SCFD2: variants seen among roughly 807,000 people sequenced by gnomAD.
SCFD2 encodes sec1 family domain-containing protein 2.
In SCFD2, 54 loss-of-function variants were observed where a neutral mutation model predicts 58.9. The observed-to-expected ratio is 0.92, with a 90% CI of 0.74 to 1.15. The LOEUF is 1.15. Ranked by LOEUF, SCFD2 falls within the 50% of genes most tolerant of loss-of-function variation. The pLI, the probability that SCFD2 is intolerant of heterozygous loss-of-function variation, is 0.00. For missense variants in SCFD2, 805 were observed against 836.6 expected (o/e 0.96, Z 0.47); for synonymous variants, 321 against 335.9 (o/e 0.96, Z 0.49).
chr4:53,311,926 G>A (rs898964091), intron 3 of SCFD2, among the ~76,000 whole-genome samples: 1 of 152,024 alleles, frequency 6.6e-6, no homozygotes, highest in African/African-American at 2.4e-5. Flanking sequence ...GAGCCACTGC[G>A]TCCGGCCGAT....
chr4:53,292,623 C>T (rs13131136), intron 3 of SCFD2, among the ~76,000 whole-genome samples: 38,931 of 152,062 alleles, frequency 0.26, 5,471 homozygotes, highest in Non-Finnish European at 0.31. Flanking sequence ...TTAATTCAAC[C>T]ATTGTGGACG....
Position 53,352,745 on chromosome 4 carries a change from T to C in SCFD2, c.860A>G (p.Asp287Gly). The C allele has an allele frequency of 6.2e-7, 1 of 1,614,002 alleles. No individual in the cohort carries two copies. The highest frequency in any genetic ancestry group is 1.1e-5 in the South Asian group (1 of 91,064). Residue 287 changes from aspartate (D) to glycine (G), a missense_variant, in exon 2 of 9, where the codon GAC becomes GGC. By Grantham distance (94) the Asp-to-Gly change is moderately conservative. Coordinates refer to ENST00000401642, the MANE Select transcript of SCFD2 (RefSeq NM_152540.4). ...DLTGAVGHHGDNLVEKIISAL... is the reference protein window; with the variant it reads ...DLTGAVGHHGGNLVEKIISAL... ...TGAAATGATCTTCTCTACTAAGTTG[T>C]CTCCATGATGTCCAACTGCTCCTGT...
At chr4:53,219,170 A>T (rs1278891685) in intron 4 of SCFD2, among the ~76,000 whole-genome samples, 1 of 152,172 alleles carries the variant, frequency 6.6e-6, no homozygotes. Context: ...AAAGCTGTCA[A>T]ACAGGGACAT....
chr4:53,288,808 A>G (rs1224909953), intron 3 of SCFD2, among the ~76,000 whole-genome samples: 1 of 152,256 alleles, frequency 6.6e-6, no homozygotes, highest in African/African-American at 2.4e-5. Flanking sequence ...AACATATCAA[A>G]GTATAAAACT....
chr4:52,905,536 G>T, intron 7 of SCFD2, among the ~76,000 whole-genome samples: 1 of 152,144 alleles, frequency 6.6e-6, no homozygotes, highest in East Asian at 1.9e-4. Flanking sequence ...GCTGAGGAAT[G>T]GATCCTGACA....
At chr4:53,328,756 T>C (rs1733305411) in intron 2 of SCFD2, among the ~76,000 whole-genome samples, 2 of 152,164 alleles carry the variant, frequency 1.3e-5, no homozygotes, top group South Asian at 4.1e-4. Flanking sequence ...GATGGCCGAA[T>C]AGGAACAGCT....
rs1396532779 is a variant in SCFD2 at position 52,928,809 on chromosome 4, AG to A, written c.1562-7940del. On this transcript the variant is annotated intron_variant, in intron 5 of 8. Transcript: ENST00000401642. ...GACTCTGGACTCGCCTTGCATGCCT[AG>A]CACAGTGCTTAGCTCACAGAAGACA... Among the ~76,000 whole-genome samples, 7 of 152,308 alleles carry A rather than the reference AG, an allele frequency of 4.6e-5. No homozygotes were observed. In the South Asian group the frequency reaches 1.5e-3, roughly 32 times the overall value.
chr4:53,299,774 G>T (rs1319747717), intron 3 of SCFD2, among the ~76,000 whole-genome samples: 2 of 152,178 alleles, frequency 1.3e-5, no homozygotes, highest in Non-Finnish European at 2.9e-5. Context: ...CAAGCCAGAA[G>T]AGAGTGGGTG....
At chr4:53,240,899 G>A (rs1186863969) in intron 4 of SCFD2, among the ~76,000 whole-genome samples, 8 of 152,210 alleles carry the variant, frequency 5.3e-5, no homozygotes, top group South Asian at 2.1e-4. Context: ...AACTAGACAC[G>A]GCCAGGAGGA....
intron 7 of SCFD2, among the ~76,000 whole-genome samples, chr4:52,895,810 C>G (rs1718992851): frequency 6.6e-6 from 1 of 152,226 alleles, no homozygotes; most frequent in Admixed American, 6.5e-5. Context: ...TCTCCACATC[C>G]TCTCTAGCAC....
intron 4 of SCFD2, among the ~76,000 whole-genome samples, chr4:53,201,212 C>A (rs1268231737): frequency 7.3e-6 from 1 of 136,160 alleles, no homozygotes; most frequent in Non-Finnish European, 1.5e-5. Flanking sequence ...GTGTGATGTT[C>A]CCCTTCCTGT....
At chr4:53,087,690 C>T (rs1252504626) in intron 5 of SCFD2, among the ~76,000 whole-genome samples, 3 of 132,848 alleles carry the variant, frequency 2.3e-5, no homozygotes, top group Non-Finnish European at 4.6e-5. Context: ...GACGGAGTCT[C>T]GCTGTGTCCC....
At chr4:52,906,234 C>A (rs1331155719) in intron 7 of SCFD2, among the ~76,000 whole-genome samples, 3 of 152,172 alleles carry the variant, frequency 2.0e-5, no homozygotes, top group Non-Finnish European at 4.4e-5. Flanking sequence ...TGGGAGAGGG[C>A]ATATTGGCAT....
Position 52,915,370 on chromosome 4 carries a change from C to T in SCFD2, c.1707+5355G>A, listed in dbSNP as rs1274667841. Among the ~76,000 whole-genome samples, 3 of 152,162 alleles carry T rather than the reference C, an allele frequency of 2.0e-5. No homozygotes were observed. In the South Asian group the frequency reaches 6.2e-4, roughly 32 times the overall value. ...AAAATTGACTCTGAACAACCAGCCT[C>T]TCAGAAAAACCAGGCTTACTGGGAG... On this transcript the variant is annotated intron_variant, in intron 6 of 8. Transcript: ENST00000401642.
At chr4:53,089,655 T>C (rs1465311520) in intron 5 of SCFD2, among the ~76,000 whole-genome samples, 5 of 152,168 alleles carry the variant, frequency 3.3e-5, no homozygotes, top group Non-Finnish European at 7.4e-5. Flanking sequence ...GAGGCATTCA[T>C]AACAAAAGAT....
chr4:53,179,850 C>T (rs1429100309), intron 4 of SCFD2, among the ~76,000 whole-genome samples: 1 of 152,104 alleles, frequency 6.6e-6, no homozygotes, highest in Non-Finnish European at 1.5e-5. Context: ...GGGTTGCAAT[C>T]CTAGTCTCTG....
At chr4:53,227,855 G>A (rs1314395228) in intron 4 of SCFD2, among the ~76,000 whole-genome samples, 2 of 152,118 alleles carry the variant, frequency 1.3e-5, no homozygotes, top group African/African-American at 2.4e-5. Context: ...CAGATGATTT[G>A]CTTATAAACA....
At chr4:52,985,303 T>TC (rs1721463258) in intron 5 of SCFD2, among the ~76,000 whole-genome samples, 1 of 152,182 alleles carries the variant, frequency 6.6e-6, no homozygotes, top group Non-Finnish European at 1.5e-5. Flanking sequence ...TGAGTACAGT[T>TC]TTAGGACCTT....
intron 4 of SCFD2, among the ~76,000 whole-genome samples, chr4:53,225,801 T>G (rs1441043230): frequency 2.0e-5 from 3 of 152,196 alleles, no homozygotes; most frequent in African/African-American, 7.2e-5. Flanking sequence ...CCTCTAATCT[T>G]AAGGTCCTTT....
Sources: gnomAD v4.1 joint callset for allele counts (sites outside exome capture counted in the v4.1 genomes callset) on GRCh38, gnomAD v4.1.1 for gene constraint, MANE v1.5 for transcripts, NCBI Gene and HGNC (gene_info 2026-07-23, HGNC 2026-07-21) for gene names.